PHRF1: variants seen among roughly 807,000 people sequenced by gnomAD.
The protein encoded by PHRF1 is PHD and RING finger domain-containing protein 1.
A neutral mutation model predicts 128.9 loss-of-function variants in PHRF1; 53 were observed. The observed-to-expected ratio is 0.41, with a 90% CI of 0.33 to 0.52. The LOEUF (loss-of-function observed/expected upper bound fraction) is 0.52, where lower values mean the gene tolerates loss of function less well. Ranked by LOEUF, PHRF1 falls within the 20% of genes least tolerant of loss-of-function variation. PHRF1 has a pLI of 0.21. For missense variants in PHRF1, 2,503 were observed against 2,284.5 expected (o/e 1.10, Z -1.95); for synonymous variants, 1,178 against 980.6 (o/e 1.20, Z -3.76).
At chr11:602,812 G>C (rs1447846859) in intron 10 of PHRF1, among the ~76,000 whole-genome samples, 4 of 150,688 alleles carry the variant, frequency 2.7e-5, no homozygotes, top group African/African-American at 9.8e-5. Flanking sequence ...CCCCACGCTG[G>C]AGTGTAGTGG....
intron 10 of PHRF1, among the ~76,000 whole-genome samples, chr11:604,780 G>A (rs1855844598): frequency 6.6e-6 from 1 of 152,200 alleles, no homozygotes; most frequent in Non-Finnish European, 1.5e-5. Flanking sequence ...CCAGAATGCT[G>A]GGATTACAGA....
chr11:606,490 A>C lies in PHRF1; in HGVS notation c.1503A>C (p.Pro501=). ...CAGAGCCAGACTTGGAGGAGGAGCC[A>C]GTGCCTGACCTGCTGGGCAGCATCC... ...AVPEPDLEEE[P]VPDLLGSILS... Residue 501 remains proline (P), a synonymous_variant, in exon 13 of 18, where the codon CCA becomes CCC. Coordinates refer to ENST00000264555, the MANE Select transcript of PHRF1 (RefSeq NM_001286581.2). 6.3e-7 allele frequency: 1 copy of C among 1,599,848 alleles called. No homozygotes were observed. The highest frequency in any genetic ancestry group is 1.1e-5 in the South Asian group (1 of 88,960).
chr11:577,179 C>T (rs1433507713), intron 1 of PHRF1, among the ~76,000 whole-genome samples: 2 of 152,320 alleles, frequency 1.3e-5, no homozygotes, highest in Admixed American at 6.5e-5. Flanking sequence ...CTCACAAGAG[C>T]CTCTCAGGTG....
chr11:607,709 A>G lies in PHRF1; in HGVS notation c.2253A>G (p.Pro751=), dbSNP rs769851849. The stretch of plus-strand genomic sequence containing the variant: ...TGCACACGGGCAGCTCCCGGCCCCC[A>G]GCCCCCAGCTCCCATGGCAGTTTGG... ...PGVHTGSSRP[P]APSSHGSLAP... is the part of the protein sequence containing the mutation. Residue 751 remains proline (P), a synonymous_variant, in exon 14 of 18, where the codon CCA becomes CCG. Transcript: ENST00000264555. 9.9e-6 allele frequency: 16 copies of G among 1,610,582 alleles called. No homozygotes were observed. Among genetic ancestry groups the G allele is most frequent in the African/African-American group, 1.3e-5 (1 of 74,858 alleles).
Position 612,006 on chromosome 11 carries a change from A to G in PHRF1, c.*229A>G, listed in dbSNP as rs1051990862. On this transcript the variant is annotated 3_prime_UTR_variant, in exon 18 of 18. Transcript: ENST00000264555. ...GAAAACTGGACACTTTTGTATGTATATTATAGAGACACTGTTTCCATTCTA... is the reference window on the plus strand; with the variant it reads ...GAAAACTGGACACTTTTGTATGTATGTTATAGAGACACTGTTTCCATTCTA... 2 of 587,276 alleles carry G rather than the reference A, an allele frequency of 3.4e-6. No individual in the cohort carries two copies. Among genetic ancestry groups the G allele is most frequent in the Non-Finnish European group, 2.9e-6 (1 of 344,646 alleles). The allele number at this position is 587,276 out of a possible 1,614,324, so 36.4% of individuals were successfully genotyped here.
intron 3 of PHRF1, among the ~76,000 whole-genome samples, chr11:586,161 A>G (rs1564841775): frequency 6.6e-6 from 1 of 151,846 alleles, no homozygotes; most frequent in Admixed American, 6.6e-5. Context: ...ACGCCTGGCA[A>G]TTTTTTGTAC....
At chr11:599,267 T>C (rs1045338428) in intron 9 of PHRF1, among the ~76,000 whole-genome samples, 1 of 147,022 alleles carries the variant, frequency 6.8e-6, no homozygotes, top group Admixed American at 6.8e-5. Flanking sequence ...TTTTTTTTTT[T>C]TTTTTGAGAC....
intron 3 of PHRF1, among the ~76,000 whole-genome samples, chr11:583,212 G>A (rs754646134): frequency 1.3e-5 from 2 of 151,946 alleles, no homozygotes; most frequent in Non-Finnish European, 2.9e-5. Flanking sequence ...GTTGGCACGC[G>A]CCTGTAATCC....
rs1047503828 is a variant in PHRF1, at chr11:597,676, C to T, written c.894+106C>T. The T allele has an allele frequency of 2.5e-5, 35 of 1,380,126 alleles. No individual in the cohort carries two copies. The East Asian group carries it at 3.8e-4, about 15-fold the overall frequency. The allele number at this position is 1,380,126 out of a possible 1,614,324, so 85.5% of individuals were successfully genotyped here. Reference sequence around the variant, plus strand: ...CGTCGTCGGCACTGTGGGGTCCGCCCGGCCCCGGTGGCTCATGTTGTTCGG... The same window carrying T: ...CGTCGTCGGCACTGTGGGGTCCGCCTGGCCCCGGTGGCTCATGTTGTTCGG... On this transcript the variant is annotated intron_variant, in intron 8 of 17. Coordinates refer to ENST00000264555, the MANE Select transcript of PHRF1 (RefSeq NM_001286581.2). The surrounding 1 kb of genome is among the most constrained non-coding windows in gnomAD (Gnocchi z 6.5).
In PHRF1 at chr11:607,505, A is replaced by C. The variant is rs1482091191; in HGVS notation, c.2049A>C (p.Pro683=). Reference sequence around the variant, plus strand: ...ACATCTCTGAGCTACCCAGGATACCAAAGATCAGGAGAGATGACGGTGGTG... The same window carrying C: ...ACATCTCTGAGCTACCCAGGATACCCAAGATCAGGAGAGATGACGGTGGTG... ...RTDISELPRI[P]KIRRDDGGGR... The change falls in exon 14 of 18, where the codon CCA becomes CCC. Residue 683 remains proline (P), a synonymous_variant. Coordinates refer to ENST00000264555, the MANE Select transcript of PHRF1 (RefSeq NM_001286581.2). 3.7e-6 allele frequency: 6 copies of C among 1,612,716 alleles called. No homozygotes were observed. The highest frequency in any genetic ancestry group is 5.1e-6 in the Non-Finnish European group (6 of 1,179,896).
In PHRF1 at chr11:597,679, C is replaced by A; in HGVS notation, c.894+109C>A. The A allele has an allele frequency of 7.4e-7, 1 of 1,360,208 alleles. No homozygotes were observed. The highest frequency in any genetic ancestry group is 9.9e-7 in the Non-Finnish European group (1 of 1,005,774). The allele number at this position is 1,360,208 out of a possible 1,614,324, so 84.3% of individuals were successfully genotyped here. A position where few individuals can be genotyped will look rare whatever the true frequency, so the allele number is the denominator to read the frequency against. On this transcript the variant is annotated intron_variant, in intron 8 of 17. Coordinates refer to ENST00000264555, the MANE Select transcript of PHRF1 (RefSeq NM_001286581.2). This position sits in a 1 kb window ranked among gnomAD's most constrained non-coding sequence, Gnocchi z 6.5. ...CGTCGGCACTGTGGGGTCCGCCCGGCCCCGGTGGCTCATGTTGTTCGGCCT... is the reference window on the plus strand; with the variant it reads ...CGTCGGCACTGTGGGGTCCGCCCGGACCCGGTGGCTCATGTTGTTCGGCCT...
chr11:605,954 T>C (rs1445667290), intron 12 of PHRF1, among the ~76,000 whole-genome samples: 1 of 152,156 alleles, frequency 6.6e-6, no homozygotes, highest in Non-Finnish European at 1.5e-5. Flanking sequence ...TTGCTGCAGC[T>C]CCACGAGGTG....
At position 587,336 on chromosome 11, in the gene PHRF1, T is replaced by A; in HGVS notation, c.292T>A (p.Ser98Thr). The A allele has an allele frequency of 2.5e-6, 4 of 1,613,790 alleles. No individual in the cohort carries two copies. Among genetic ancestry groups the A allele is most frequent in the Non-Finnish European group, 3.4e-6 (4 of 1,179,900 alleles). The change falls in exon 4 of 18, where the codon TCT becomes ACT. Residue 98 changes from serine (S) to threonine (T), a missense_variant. Coordinates refer to ENST00000264555, the MANE Select transcript of PHRF1 (RefSeq NM_001286581.2). ...TCAGGGGAAACTGGAAGCCGCTGGC[T>A]CTTTCAATTCTGATGATGATGCAGA... ...GTQGKLEAAG[S>T]FNSDDDAESC...
chr11:610,854 T>TG, intron 16 of PHRF1, 93 bp downstream of exon 16: 3 of 1,582,944 alleles, frequency 1.9e-6, no homozygotes, highest in Non-Finnish European at 2.6e-6. Context: ...AGCTGGTCGC[T>TG]GTGCCTCTGG....
Position 605,735 on chromosome 11 carries a change from GC to G in PHRF1, c.1454+12del. 1.2e-6 allele frequency: 2 copies of G among 1,603,750 alleles called. No homozygotes were observed. Among genetic ancestry groups the G allele is most frequent in the South Asian group, 2.2e-5 (2 of 90,430 alleles). On this transcript the variant is annotated intron_variant, in intron 12 of 17. Transcript: ENST00000264555. ...CGTGGGGCTTTCCAGGTGTGTGAGGGCAGAGGCTTCTGGGGAGGTGGGGGCA... is the reference window on the plus strand; with the variant it reads ...CGTGGGGCTTTCCAGGTGTGTGAGGGAGAGGCTTCTGGGGAGGTGGGGGCA...
chr11:606,259 TCCC>T, intron 12 of PHRF1, among the ~76,000 whole-genome samples, 180 bp from the exon 13 acceptor site: 1 of 152,120 alleles, frequency 6.6e-6, no homozygotes, highest in Non-Finnish European at 1.5e-5. Context: ...CCTCCCTCCC[TCCC>T]TCTGGGAGGC....
In PHRF1 at chr11:608,982, A is replaced by G. The variant is rs777806152; in HGVS notation, c.3526A>G (p.Arg1176Gly). Residue 1176 changes from arginine to glycine, a missense_variant, in exon 14 of 18, where the codon AGG becomes GGG. Physicochemically the swap from Arg to Gly is moderately radical, Grantham distance 125. Transcript: ENST00000264555. ...PSSEHRAREH[R>G]RPRSREKWPQ... is the part of the protein sequence containing the mutation. ...CTCGGAGCACAGGGCACGGGAGCACAGGCGGCCTCGGTCCCGTGAGAAGTG... is the reference window on the plus strand; with the variant it reads ...CTCGGAGCACAGGGCACGGGAGCACGGGCGGCCTCGGTCCCGTGAGAAGTG... The G allele has an allele frequency of 1.9e-5, 31 of 1,607,602 alleles. No individual in the cohort carries two copies. Among genetic ancestry groups the G allele is most frequent in the Non-Finnish European group, 4.2e-6 (5 of 1,177,914 alleles).
chr11:579,172 TTCA>T (rs1564835330), intron 1 of PHRF1, among the ~76,000 whole-genome samples: 1 of 152,276 alleles, frequency 6.6e-6, no homozygotes, highest in South Asian at 2.1e-4. Flanking sequence ...CTATGTGAAA[TTCA>T]TCATCAAATG....
At position 608,146 on chromosome 11, in the gene PHRF1, G is replaced by A; in HGVS notation, c.2690G>A (p.Gly897Glu). Residue 897 changes from glycine (G) to glutamate (E), a missense_variant, in exon 14 of 18, where the codon GGA becomes GAA. Coordinates refer to ENST00000264555, the MANE Select transcript of PHRF1 (RefSeq NM_001286581.2). ...GGTACAGAGCCCGAACCCCCTCTCG[G>A]ACCGTCCTCCGCCATGTCCAAGCTC... The part of the protein sequence containing the change: ...IFGTEPEPPL[G>E]PSSAMSKLRG... 6.2e-7 allele frequency: 1 copy of A among 1,611,314 alleles called. No homozygotes were observed. Among genetic ancestry groups the A allele is most frequent in the Non-Finnish European group, 8.5e-7 (1 of 1,179,848 alleles).
Sources: gnomAD v4.1 joint callset for allele counts (sites outside exome capture counted in the v4.1 genomes callset) on GRCh38, gnomAD v4.1.1 for gene constraint, Gnocchi (gnomAD v3.1) non-coding constraint, MANE v1.5 for transcripts, NCBI Gene and HGNC (gene_info 2026-07-23, HGNC 2026-07-21) for gene names.